Variants in MYLIP observed in about 807,000 individuals in gnomAD.
MYLIP encodes E3 ubiquitin-protein ligase MYLIP.
In MYLIP, 26 loss-of-function variants were observed where a neutral mutation model predicts 45.8. The ratio of observed to expected loss-of-function variants is 0.57; its 90% CI spans 0.42 to 0.79. The LOEUF (loss-of-function observed/expected upper bound fraction) is 0.79, where lower values mean the gene tolerates loss of function less well. MYLIP is among the 30% of genes least tolerant of loss of function. The pLI, the probability that MYLIP is intolerant of heterozygous loss-of-function variation, is 0.00. For missense variants in MYLIP, 494 were observed against 555.6 expected (o/e 0.89, Z 1.11); for synonymous variants, 213 against 218.1 (o/e 0.98, Z 0.21).
chr6:16,145,259 C>T lies in MYLIP; in HGVS notation c.1190C>T (p.Ser397Phe). 6.2e-7 allele frequency: 1 copy of T among 1,612,170 alleles called. No individual in the cohort carries two copies. Among genetic ancestry groups the T allele is most frequent in the East Asian group, 2.2e-5 (1 of 44,810 alleles). The change falls in exon 6 of 7, where the codon TCC becomes TTC. Residue 397 changes from serine to phenylalanine, a missense_variant. Coordinates refer to ENST00000356840, the MANE Select transcript of MYLIP (RefSeq NM_013262.4). ...CMVCCEEEIN[S>F]TFCPCGHTVC... ...GTGTGCTGCGAGGAGGAGATCAACT[C>T]CACCTTCTGTCCCTGTGGCCACACT... is the stretch of plus-strand genomic sequence containing the variant.
In MYLIP at chr6:16,129,373, G is replaced by A; in HGVS notation, c.51G>A (p.Val17=). Residue 17 remains valine (V), a synonymous_variant, in exon 1 of 7, where the codon GTG becomes GTA. Transcript: ENST00000356840. The surrounding 1 kb of genome is among the most constrained non-coding windows in gnomAD (Gnocchi z 5.1). The part of the protein sequence containing the change: ...RPDAVLMEVE[V]EAKANGEDCL... ...ACGCGGTGCTGATGGAGGTGGAGGTGGAGGCGAAAGCCAACGGCGAGGACT... is the reference window on the plus strand; with the variant it reads ...ACGCGGTGCTGATGGAGGTGGAGGTAGAGGCGAAAGCCAACGGCGAGGACT... The A allele has an allele frequency of 3.8e-6, 6 of 1,595,078 alleles. No individual in the cohort carries two copies. Among genetic ancestry groups the A allele is most frequent in the Non-Finnish European group, 5.1e-6 (6 of 1,171,200 alleles).
At chr6:16,158,340 G>A in the MYLIP span, among the ~76,000 whole-genome samples, 11 of 152,216 alleles carry the variant, frequency 7.2e-5, no homozygotes, top group Admixed American at 7.2e-4. Flanking sequence ...CGACTTTAAT[G>A]TGTTTGCATC....
At chr6:16,136,939 T>C (rs1759569451) in intron 2 of MYLIP, among the ~76,000 whole-genome samples, 1 of 152,242 alleles carries the variant, frequency 6.6e-6, no homozygotes, top group African/African-American at 2.4e-5. Context: ...TACCAGTCCT[T>C]TGTCAGATAC....
the MYLIP span, among the ~76,000 whole-genome samples, chr6:16,154,538 A>G: frequency 1.3e-5 from 2 of 152,220 alleles, no homozygotes; most frequent in African/African-American, 4.8e-5. Context: ...CAGGGCTCCA[A>G]GTGTTCCCCC....
Position 16,145,537 on chromosome 6 carries a change from T to C in MYLIP, c.1248+220T>C, listed in dbSNP as rs9396644. Among the ~76,000 whole-genome samples, 920 of 152,320 alleles carry C rather than the reference T, an allele frequency of 6.0e-3. 26 individuals carry two copies. In the East Asian group the frequency reaches 0.061, roughly 10 times the overall value. On this transcript the variant is annotated intron_variant, in intron 6 of 6. Coordinates refer to ENST00000356840, the MANE Select transcript of MYLIP (RefSeq NM_013262.4). ...AACATAATTACTCCAAATTATGCAG[T>C]GTTTTCAAGTTCTGAAAATGAGGCT...
At position 16,129,142 on chromosome 6, in the gene MYLIP, C is replaced by A; in HGVS notation, c.-181C>A. ...GAGGACAGGGGCAGCTGGCGGGCAG[C>A]GGGTGAGGGGGTGGCGGGGACGCGA... On this transcript the variant is annotated 5_prime_UTR_variant, in exon 1 of 7. Coordinates refer to ENST00000356840, the MANE Select transcript of MYLIP (RefSeq NM_013262.4). The surrounding 1 kb of genome is among the most constrained non-coding windows in gnomAD (Gnocchi z 5.1). 1.7e-6 allele frequency: 1 copy of A among 595,384 alleles called. No homozygotes were observed. Among genetic ancestry groups the A allele is most frequent in the East Asian group, 3.0e-5 (1 of 33,106 alleles). 36.9% of individuals were successfully genotyped at this position (595,384 alleles called of 1,614,324 possible). A position where few individuals can be genotyped will look rare whatever the true frequency, so the allele number is the denominator to read the frequency against.
downstream of MYLIP, among the ~76,000 whole-genome samples, chr6:16,150,140 C>T (rs1157076570): frequency 6.6e-6 from 1 of 152,014 alleles, no homozygotes; most frequent in Non-Finnish European, 1.5e-5. Flanking sequence ...CTGAAAGGAC[C>T]CACATCTAAA....
chr6:16,142,543 G>A (rs1038454873), intron 3 of MYLIP, among the ~76,000 whole-genome samples: 3 of 152,174 alleles, frequency 2.0e-5, no homozygotes, highest in African/African-American at 7.2e-5. Context: ...TGGGTCCTCT[G>A]GCTCATGAGA....
rs770370776 is a variant in MYLIP, at chr6:16,144,992, G to T, written c.923G>T (p.Gly308Val). Residue 308 changes from glycine to valine, a missense_variant, in exon 6 of 7, where the codon GGC becomes GTC. Coordinates refer to ENST00000356840, the MANE Select transcript of MYLIP (RefSeq NM_013262.4). ...SLFLNENINL[G>V]KKYVFDIKRT... ...TTTCTGAATGAAAACATTAACCTTG[G>T]CAAGAAATATGTCTTTGATATTAAA... 3.7e-6 allele frequency: 6 copies of T among 1,614,148 alleles called. No individual in the cohort carries two copies. The highest frequency in any genetic ancestry group is 5.1e-6 in the Non-Finnish European group (6 of 1,180,030).
the MYLIP span, among the ~76,000 whole-genome samples, chr6:16,153,843 C>G: frequency 6.6e-6 from 1 of 152,184 alleles, no homozygotes; most frequent in Non-Finnish European, 1.5e-5. Flanking sequence ...AAGCTGAAGT[C>G]CCTACAAATG....
the MYLIP span, among the ~76,000 whole-genome samples, chr6:16,156,667 A>C: frequency 6.6e-6 from 1 of 152,252 alleles, no homozygotes; most frequent in African/African-American, 2.4e-5. Flanking sequence ...AGTTTACTGT[A>C]CTAGAACTTG....
rs1759802759 is a variant in MYLIP, at chr6:16,146,866, T to TA, written c.*115_*116insA. 3 of 780,074 alleles carry TA rather than the reference T, an allele frequency of 3.8e-6. No homozygotes were observed. The highest frequency in any genetic ancestry group is 3.1e-5 in the Admixed American group (1 of 31,870). The allele number at this position is 780,074 out of a possible 1,614,324, so 48.3% of individuals were successfully genotyped here. A position where few individuals can be genotyped will look rare whatever the true frequency, so the allele number is the denominator to read the frequency against. ...TCCAACACCCATCTGCCATGCGATG[T>TA]TAAAAAAAAAAAAAAGGAAGAAAAA... On this transcript the variant is annotated 3_prime_UTR_variant, in exon 7 of 7. Transcript: ENST00000356840.
chr6:16,160,652 A>G, the MYLIP span, among the ~76,000 whole-genome samples: 12 of 152,090 alleles, frequency 7.9e-5, no homozygotes, highest in Admixed American at 3.9e-4. Flanking sequence ...AAATACAAAA[A>G]TTAGTCAGGC....
intron 6 of MYLIP, 111 bp downstream of exon 6, chr6:16,145,428 T>A (rs887796929): frequency 8.4e-5 from 105 of 1,249,112 alleles, no homozygotes; most frequent in Non-Finnish European, 1.1e-4. Context: ...AATGCCCATC[T>A]TCACCCGGAA....
In MYLIP at chr6:16,143,813, G is replaced by C; in HGVS notation, c.777G>C (p.Arg259Ser). ...TCTTGTTTAAAATGATCAGCACCAGGGCGGCCAGCGGGCTCTACCGAGCGA... is the reference window on the plus strand; with the variant it reads ...TCTTGTTTAAAATGATCAGCACCAGCGCGGCCAGCGGGCTCTACCGAGCGA... ...IVLLFKMISTRAASGLYRAIT... is the reference protein window; with the variant it reads ...IVLLFKMISTSAASGLYRAIT... Residue 259 changes from arginine (R) to serine (S), a missense_variant, in exon 5 of 7, where the codon AGG becomes AGC. By Grantham distance (110) the Arg-to-Ser change is moderately radical. Coordinates refer to ENST00000356840, the MANE Select transcript of MYLIP (RefSeq NM_013262.4). 6.2e-7 allele frequency: 1 copy of C among 1,613,452 alleles called. No homozygotes were observed. The highest frequency in any genetic ancestry group is 8.5e-7 in the Non-Finnish European group (1 of 1,179,906).
chr6:16,141,822 G>T lies in MYLIP; in HGVS notation c.464+12G>T. 6.2e-7 allele frequency: 1 copy of T among 1,603,304 alleles called. No individual in the cohort carries two copies. Among genetic ancestry groups the T allele is most frequent in the South Asian group, 1.1e-5 (1 of 89,958 alleles). ...GCCACCTTGAACAGGTGAGGCTGTTGAATATAGTATTGTTTACAACTAGAA... is the reference window on the plus strand; with the variant it reads ...GCCACCTTGAACAGGTGAGGCTGTTTAATATAGTATTGTTTACAACTAGAA... On this transcript the variant is annotated intron_variant, in intron 3 of 6. Coordinates refer to ENST00000356840, the MANE Select transcript of MYLIP (RefSeq NM_013262.4).
At chr6:16,130,801 AGGGCCGCTGCACCTTCCCAGAGATACTC>A in intron 2 of MYLIP, 54 bp downstream of exon 2, 1 of 1,544,904 alleles carries the variant, frequency 6.5e-7, no homozygotes, top group Non-Finnish European at 8.8e-7. Flanking sequence ...TCCCTTTAGA[AGGGCCGCTGCACCTTCCCAGAGATACTC>A]ACAGGCAAGT....
Position 16,129,383 on chromosome 6 carries a change from G to A in MYLIP, c.61G>A (p.Ala21Thr). Residue 21 changes from alanine to threonine, a missense_variant, in exon 1 of 7, where the codon GCC becomes ACC. Ala to Thr is a moderately conservative substitution (Grantham distance 58). Transcript: ENST00000356840. This position sits in a 1 kb window ranked among gnomAD's most constrained non-coding sequence, Gnocchi z 5.1. ...VLMEVEVEAK[A>T]NGEDCLNQVC... ...GATGGAGGTGGAGGTGGAGGCGAAA[G>A]CCAACGGCGAGGACTGCCTCAACCA... is the stretch of plus-strand genomic sequence containing the variant. 6.3e-7 allele frequency: 1 copy of A among 1,590,222 alleles called. No homozygotes were observed. Among genetic ancestry groups the A allele is most frequent in the Non-Finnish European group, 8.6e-7 (1 of 1,168,646 alleles).
chr6:16,143,620 T>C, intron 4 of MYLIP, 79 bp from the exon 5 acceptor site: 1 of 1,486,176 alleles, frequency 6.7e-7, no homozygotes, highest in Middle Eastern at 1.9e-4. Flanking sequence ...CATGAGCAAA[T>C]GGGGATCCCA....
Sources: allele counts gnomAD v4.1 joint callset (sites outside exome capture counted in the v4.1 genomes callset), GRCh38; gene constraint gnomAD v4.1.1; non-coding constraint Gnocchi (gnomAD v3.1); transcripts MANE v1.5; gene names NCBI Gene and HGNC (gene_info 2026-07-23, HGNC 2026-07-21).